Variants in FGF12 observed in about 807,000 individuals in gnomAD.
FGF12 encodes fibroblast growth factor 12.
A neutral mutation model predicts 23.6 loss-of-function variants in FGF12; 14 were observed. The ratio of observed to expected loss-of-function variants is 0.59; its 90% CI spans 0.39 to 0.93. The LOEUF is 0.93. FGF12 is among the 40% of genes least tolerant of loss of function. The pLI, the probability that FGF12 is intolerant of heterozygous loss-of-function variation, is 0.00. For missense variants in FGF12, 175 were observed against 217.8 expected, an observed-to-expected ratio of 0.80 and a Z score of 1.24; for synonymous variants, 62 against 77.3, an observed-to-expected ratio of 0.80 and a Z score of 1.04.
intron 2 of FGF12, among the ~76,000 whole-genome samples, chr3:192,655,137 T>A (rs1325125964): frequency 2.0e-5 from 3 of 152,044 alleles, no homozygotes; most frequent in Non-Finnish European, 2.9e-5. Flanking sequence ...ATCGATGACA[T>A]AAATTCCACT....
chr3:192,409,546 G>A lies in FGF12; in HGVS notation c.14-49008C>T, dbSNP rs1254433970. 6.6e-6 allele frequency among the ~76,000 whole-genome samples: 1 copy of A among 152,224 alleles called. No individual in the cohort carries two copies. Among genetic ancestry groups the A allele is most frequent in the African/African-American group, 2.4e-5 (1 of 41,472 alleles). Reference sequence around the variant, plus strand: ...ATCAGATGGGGATTACCCGCCGGACGCAAGGCCGATCACTCAGTCCCGCGC... The same window carrying A: ...ATCAGATGGGGATTACCCGCCGGACACAAGGCCGATCACTCAGTCCCGCGC... On this transcript the variant is annotated intron_variant, in intron 2 of 5. Coordinates refer to ENST00000445105, the MANE Select transcript of FGF12 (RefSeq NM_004113.6). The surrounding 1 kb of genome is among the most constrained non-coding windows in gnomAD (Gnocchi z 4.8).
At position 192,142,171 on chromosome 3, in the gene FGF12, TC is replaced by T; in HGVS notation, c.*1837del. ...TGCCTACATGCATACAATTTGTTCT[TC>T]CCAACTGCTTAGGGAAATTCCTTCA... On this transcript the variant is annotated 3_prime_UTR_variant, in exon 6 of 6. Coordinates refer to ENST00000445105, the MANE Select transcript of FGF12 (RefSeq NM_004113.6). 1 of 152,554 alleles carries T rather than the reference TC, an allele frequency of 6.6e-6. No homozygotes were observed. The allele number at this position is 152,554 out of a possible 1,614,324, so 9.5% of individuals were successfully genotyped here.
intron 4 of FGF12, among the ~76,000 whole-genome samples, chr3:192,324,966 A>G (rs899308958): frequency 2.6e-5 from 4 of 152,202 alleles, no homozygotes; most frequent in Non-Finnish European, 5.9e-5. Flanking sequence ...AACATTTTCC[A>G]TAAGTTATAA....
chr3:192,373,895 T>C (rs1326844725), intron 2 of FGF12, among the ~76,000 whole-genome samples: 1 of 152,216 alleles, frequency 6.6e-6, no homozygotes, highest in Non-Finnish European at 1.5e-5. Flanking sequence ...CCAAGAAGCA[T>C]ATTTCAGGAT....
chr3:192,459,959 A>G (rs1359181379), intron 2 of FGF12, among the ~76,000 whole-genome samples: 5 of 152,132 alleles, frequency 3.3e-5, no homozygotes, highest in Admixed American at 2.0e-4. Context: ...GTACTGAGAG[A>G]CATGTTAGAC....
At chr3:192,393,364 G>A (rs780429080) in intron 2 of FGF12, among the ~76,000 whole-genome samples, 1 of 152,158 alleles carries the variant, frequency 6.6e-6, no homozygotes, top group Non-Finnish European at 1.5e-5. Context: ...TAATCCTATA[G>A]GAGCCCTCCA....
intron 2 of FGF12, among the ~76,000 whole-genome samples, chr3:192,695,336 A>G (rs1228333615): frequency 1.3e-5 from 2 of 152,146 alleles, no homozygotes; most frequent in African/African-American, 4.8e-5. Context: ...TCTGTCCATA[A>G]ATAATTCAAA....
rs998166847 is a variant in FGF12, at chr3:192,702,717, G to A, written c.13+24464C>T. Among the ~76,000 whole-genome samples, 5 of 152,058 alleles carry A rather than the reference G, an allele frequency of 3.3e-5. No homozygotes were observed. The South Asian group carries it at 6.2e-4, about 19-fold the overall frequency. ...TGAGGTGGCAGGATCACTAGAACCC[G>A]GGAGGAGGAGATTGCAGTGAGCTGA... On this transcript the variant is annotated intron_variant, in intron 2 of 5. Coordinates refer to ENST00000445105, the MANE Select transcript of FGF12 (RefSeq NM_004113.6).
chr3:192,602,681 T>C (rs1714161802), intron 2 of FGF12, among the ~76,000 whole-genome samples: 1 of 150,406 alleles, frequency 6.6e-6, no homozygotes, highest in Non-Finnish European at 1.5e-5. Context: ...TTGCTGTTTA[T>C]GAGTATCTGG....
intron 4 of FGF12, among the ~76,000 whole-genome samples, chr3:192,256,229 T>C (rs1712376486): frequency 1.3e-5 from 2 of 152,064 alleles, no homozygotes; most frequent in Admixed American, 1.3e-4. Context: ...ATATGCATAA[T>C]TTTATAATTG....
chr3:192,703,245 A>T (rs1388946666), intron 2 of FGF12, among the ~76,000 whole-genome samples: 1 of 152,194 alleles, frequency 6.6e-6, no homozygotes, highest in African/African-American at 2.4e-5. Context: ...AGTGACACAA[A>T]TTTTTTGGCT....
At chr3:192,603,443 A>T (rs1714200017) in intron 2 of FGF12, among the ~76,000 whole-genome samples, 1 of 152,150 alleles carries the variant, frequency 6.6e-6, no homozygotes, top group South Asian at 2.1e-4. Context: ...AATATCAACA[A>T]AAAAATAAAG....
chr3:192,340,234 C>T (rs897844845), intron 3 of FGF12, among the ~76,000 whole-genome samples: 1 of 152,072 alleles, frequency 6.6e-6, no homozygotes, highest in African/African-American at 2.4e-5. Context: ...CACTTCTTAG[C>T]TGCCCTATTC....
chr3:192,687,076 G>T (rs921455184), intron 2 of FGF12, among the ~76,000 whole-genome samples: 1 of 150,028 alleles, frequency 6.7e-6, no homozygotes, highest in Non-Finnish European at 1.5e-5. Context: ...TGATCTGCCC[G>T]CCTTGGCCTC....
chr3:192,141,988 G>A lies in FGF12; in HGVS notation c.*2021C>T, dbSNP rs1044525723. The A allele has an allele frequency of 6.6e-6, 1 of 151,992 alleles. No individual in the cohort carries two copies. Among genetic ancestry groups the A allele is most frequent in the Non-Finnish European group, 1.5e-5 (1 of 67,810 alleles). The allele number at this position is 151,992 out of a possible 1,614,324, so 9.4% of individuals were successfully genotyped here. Reference sequence around the variant, plus strand: ...TTTATAATCAAGTTGAATCAAGAGTGACAAGAAGAAATACAGCTAGAGTTA... The same window carrying A: ...TTTATAATCAAGTTGAATCAAGAGTAACAAGAAGAAATACAGCTAGAGTTA... On this transcript the variant is annotated 3_prime_UTR_variant, in exon 6 of 6. Transcript: ENST00000445105.
chr3:192,571,610 T>G (rs902824037), intron 2 of FGF12, among the ~76,000 whole-genome samples: 9 of 152,222 alleles, frequency 5.9e-5, no homozygotes, highest in Non-Finnish European at 1.2e-4. Flanking sequence ...TCGGGCCTTC[T>G]TAAAATAAAT....
chr3:192,310,225 C>G (rs541061111), intron 4 of FGF12, among the ~76,000 whole-genome samples: 3 of 152,108 alleles, frequency 2.0e-5, no homozygotes, highest in Non-Finnish European at 4.4e-5. Flanking sequence ...TTATGTCTAA[C>G]GATGAAGAAG....
At chr3:192,302,913 C>A (rs1386197639) in intron 4 of FGF12, among the ~76,000 whole-genome samples, 5 of 152,158 alleles carry the variant, frequency 3.3e-5, no homozygotes, top group Non-Finnish European at 7.4e-5. Context: ...CCTTCCCCAG[C>A]ATCTATTTCA....
chr3:192,301,239 C>T (rs1182321916), intron 4 of FGF12, among the ~76,000 whole-genome samples: 6 of 152,082 alleles, frequency 3.9e-5, no homozygotes, highest in Admixed American at 3.3e-4. Flanking sequence ...AACGAATCAC[C>T]GGGCATGGAG....
Sources: gnomAD v4.1 joint callset for allele counts (sites outside exome capture counted in the v4.1 genomes callset) on GRCh38, gnomAD v4.1.1 for gene constraint, Gnocchi (gnomAD v3.1) non-coding constraint, MANE v1.5 for transcripts, NCBI Gene and HGNC (gene_info 2026-07-23, HGNC 2026-07-21) for gene names.